The following TSTD2 variants were observed in gnomAD, a reference collection of about 807,000 sequenced individuals.
TSTD2 encodes thiosulfate sulfurtransferase like domain containing 2.
TSTD2 carries 37 observed loss-of-function variants against 47.9 expected under a neutral mutation model. The observed-to-expected ratio is 0.77, with a 90% CI of 0.59 to 1.02. The LOEUF is 1.02. Ranked by LOEUF, TSTD2 falls within the 50% of genes least tolerant of loss-of-function variation. TSTD2 has a pLI of 0.00. For synonymous variants in TSTD2, 201 were observed against 215.9 expected, an observed-to-expected ratio of 0.93 and a Z score of 0.61; for missense variants, 586 against 616.0, an observed-to-expected ratio of 0.95 and a Z score of 0.52.
chr9:97,602,870 C>A, intron 9 of TSTD2, 103 bp from the exon 10 acceptor site: 12 of 1,239,922 alleles, frequency 9.7e-6, no homozygotes, highest in Non-Finnish European at 1.3e-5. Context: ...TCCTGTGGAA[C>A]CCGGGGAAGG....
At chr9:97,627,024 A>G (rs1421030229) in intron 2 of TSTD2, among the ~76,000 whole-genome samples, 1 of 151,588 alleles carries the variant, frequency 6.6e-6, no homozygotes, top group Non-Finnish European at 1.5e-5. Context: ...TCTGTTGCCT[A>G]TTTTTCCATT....
At chr9:97,624,931 T>C (rs573440243) in intron 3 of TSTD2, among the ~76,000 whole-genome samples, 229 of 149,080 alleles carry the variant, frequency 1.5e-3, no homozygotes, top group Non-Finnish European at 2.7e-3. Flanking sequence ...AAACCCCCCC[T>C]TTTTTTTGCT....
chr9:97,618,333 C>T (rs1267577218), intron 3 of TSTD2, among the ~76,000 whole-genome samples: 1 of 152,148 alleles, frequency 6.6e-6, no homozygotes, highest in Admixed American at 6.5e-5. Context: ...AGGCCAATTC[C>T]TCCCAAGTCA....
intron 4 of TSTD2, among the ~76,000 whole-genome samples, chr9:97,612,191 C>T (rs1459842861): frequency 2.0e-5 from 3 of 152,200 alleles, no homozygotes; most frequent in African/African-American, 7.2e-5. Context: ...AAGACATGAT[C>T]TTGTTCTTTT....
chr9:97,607,677 C>T (rs564142080), intron 6 of TSTD2, among the ~76,000 whole-genome samples: 11 of 152,098 alleles, frequency 7.2e-5, no homozygotes, highest in Admixed American at 2.6e-4. Context: ...CTGAGGCAGG[C>T]GGATCACCTG....
rs186085308 is a variant in TSTD2 at position 97,608,570 on chromosome 9, A to T, written c.835+1776T>A. 1.4e-4 allele frequency among the ~76,000 whole-genome samples: 21 copies of T among 152,272 alleles called. No homozygotes were observed. In the East Asian group the frequency reaches 4.0e-3, roughly 29 times the overall value. On this transcript the variant is annotated intron_variant, in intron 6 of 9. Transcript: ENST00000341170. Reference sequence around the variant, plus strand: ...AGAATCGCTTGAACCCCGGGGGAAAAGGTTACAGTGAGCTGAAATCACGCC... The same window carrying T: ...AGAATCGCTTGAACCCCGGGGGAAATGGTTACAGTGAGCTGAAATCACGCC...
chr9:97,612,625 G>A (rs144738985), intron 4 of TSTD2, among the ~76,000 whole-genome samples: 1 of 152,288 alleles, frequency 6.6e-6, no homozygotes, highest in African/African-American at 2.4e-5. Flanking sequence ...GCACAATCTC[G>A]GCTCACTGCA....
intron 5 of TSTD2, chr9:97,610,827 A>G (rs1826445023): frequency 6.5e-6 from 1 of 154,866 alleles, no homozygotes; most frequent in Admixed American, 6.5e-5. Flanking sequence ...GTATAAAGTC[A>G]CTCAAACAAA....
chr9:97,601,032 C>T lies in TSTD2; in HGVS notation c.*1437G>A. On this transcript the variant is annotated 3_prime_UTR_variant, in exon 10 of 10. Coordinates refer to ENST00000341170, the MANE Select transcript of TSTD2 (RefSeq NM_139246.5). ...AGGCTGGTGATGAAAAGGTGAAGGC[C>T]TGCGCACTGAACTGTAAGGCAGTGG... 1 of 1,301,654 alleles carries T rather than the reference C, an allele frequency of 7.7e-7. No individual in the cohort carries two copies. The highest frequency in any genetic ancestry group is 1.2e-5 in the South Asian group (1 of 80,610). The allele number at this position is 1,301,654 out of a possible 1,614,324, so 80.6% of individuals were successfully genotyped here.
chr9:97,602,551 C>G lies in TSTD2; in HGVS notation c.1469G>C (p.Arg490Thr). The change falls in exon 10 of 10, where the codon AGG (arginine) becomes ACG (threonine). Residue 490 changes from arginine to threonine, a missense_variant. Transcript: ENST00000341170. ...ECTARRPRIP[R>T]ELLQHVRQPV... ...CTGTCGCACATGCTGCAAGAGTTCC[C>G]TAGGTATGCGTGGCCGTCGGGCTGT... is the stretch of plus-strand genomic sequence containing the variant. 1 of 1,614,220 alleles carries G rather than the reference C, an allele frequency of 6.2e-7. No homozygotes were observed. The highest frequency in any genetic ancestry group is 8.5e-7 in the Non-Finnish European group (1 of 1,180,032).
intron 1 of TSTD2, among the ~76,000 whole-genome samples, chr9:97,630,203 C>T (rs118175866): frequency 0.016 from 2,365 of 152,272 alleles, 53 homozygotes; most frequent in Non-Finnish European, 0.019. Flanking sequence ...ATGCCCAGTT[C>T]CACAAATGAG....
At chr9:97,626,317 T>C (rs1032447345) in intron 2 of TSTD2, among the ~76,000 whole-genome samples, 3 of 152,178 alleles carry the variant, frequency 2.0e-5, no homozygotes, top group African/African-American at 7.2e-5. Flanking sequence ...ATAACACTAT[T>C]AGTTATTTTC....
intron 1 of TSTD2, among the ~76,000 whole-genome samples, 152 bp downstream of exon 1, chr9:97,633,091 G>T (rs1442831472): frequency 6.6e-6 from 1 of 152,246 alleles, no homozygotes; most frequent in Non-Finnish European, 1.5e-5. Flanking sequence ...CCGCACGCTC[G>T]CGTCAGGGCC....
At position 97,627,563 on chromosome 9, in the gene TSTD2, C is replaced by T; in HGVS notation, c.-1G>A. ...GGTCTGGTGAAGTGGAAGAAGGCAT[C>T]TGGTTTGGTTGCAACAGTGAAGCAG... is the stretch of plus-strand genomic sequence containing the variant. On this transcript the variant is annotated 5_prime_UTR_variant, in exon 2 of 10. Coordinates refer to ENST00000341170, the MANE Select transcript of TSTD2 (RefSeq NM_139246.5). 6.2e-7 allele frequency: 1 copy of T among 1,602,640 alleles called. No homozygotes were observed. The highest frequency in any genetic ancestry group is 8.5e-7 in the Non-Finnish European group (1 of 1,172,756).
rs916982034 is a variant in TSTD2 at position 97,600,779 on chromosome 9, A to G, written c.*1690T>C. 9 of 1,014,760 alleles carry G rather than the reference A, an allele frequency of 8.9e-6. No individual in the cohort carries two copies. Among genetic ancestry groups the G allele is most frequent in the East Asian group, 2.1e-4 (2 of 9,502 alleles). 62.9% of individuals were successfully genotyped at this position (1,014,760 alleles called of 1,614,324 possible). On this transcript the variant is annotated 3_prime_UTR_variant, in exon 10 of 10. Coordinates refer to ENST00000341170, the MANE Select transcript of TSTD2 (RefSeq NM_139246.5). Reference sequence around the variant, plus strand: ...GGCCAAACCACCCCAAGATGATTACACTGAAATGTAGTATTAGTACTGCTG... The same window carrying G: ...GGCCAAACCACCCCAAGATGATTACGCTGAAATGTAGTATTAGTACTGCTG...
At chr9:97,627,675 G>T in intron 1 of TSTD2, 63 bp from the exon 2 acceptor site, 1 of 1,137,084 alleles carries the variant, frequency 8.8e-7, no homozygotes, top group Non-Finnish European at 1.2e-6. Flanking sequence ...AAAATATGAA[G>T]CTAATCAATC....
At position 97,602,459 on chromosome 9, in the gene TSTD2, A is replaced by G. The variant is rs1257801324; in HGVS notation, c.*10T>C. The G allele has an allele frequency of 6.3e-7, 1 of 1,577,550 alleles. No homozygotes were observed. Among genetic ancestry groups the G allele is most frequent in the Non-Finnish European group, 8.6e-7 (1 of 1,158,482 alleles). ...TTACCGAGGGCCTGGGAAAATGCCA[A>G]AGGTGCTGCTCACATAAGCACTGGC... On this transcript the variant is annotated 3_prime_UTR_variant, in exon 10 of 10. Coordinates refer to ENST00000341170, the MANE Select transcript of TSTD2 (RefSeq NM_139246.5).
In TSTD2 at chr9:97,633,271, C is replaced by T. The variant is rs1587988462; in HGVS notation, c.-79G>A. ...CCAGTCCTGATCCTTTCTAAGGTCT[C>T]TCTTCCCTGCACTGTCTCCGCCTAG... is the stretch of plus-strand genomic sequence containing the variant. On this transcript the variant is annotated 5_prime_UTR_variant, in exon 1 of 10. Coordinates refer to ENST00000341170, the MANE Select transcript of TSTD2 (RefSeq NM_139246.5). The T allele has an allele frequency of 4.4e-6, 1 of 228,226 alleles. No individual in the cohort carries two copies. Among genetic ancestry groups the T allele is most frequent in the Non-Finnish European group, 8.5e-6 (1 of 118,060 alleles). The allele number at this position is 228,226 out of a possible 1,614,324, so 14.1% of individuals were successfully genotyped here.
chr9:97,600,096 T>C lies in TSTD2; in HGVS notation c.*2373A>G. On this transcript the variant is annotated 3_prime_UTR_variant, in exon 10 of 10. Transcript: ENST00000341170. ...TCTTCCACATGCTTTTGAAGTATTA[T>C]AAAACACTTTATTACAAATTTGTCT... The C allele has an allele frequency of 3.0e-6, 3 of 1,013,162 alleles. No individual in the cohort carries two copies. Among genetic ancestry groups the C allele is most frequent in the Non-Finnish European group, 2.4e-6 (2 of 844,694 alleles). The allele number at this position is 1,013,162 out of a possible 1,614,324, so 62.8% of individuals were successfully genotyped here.
Sources: gnomAD v4.1 joint callset for allele counts (sites outside exome capture counted in the v4.1 genomes callset) on GRCh38, gnomAD v4.1.1 for gene constraint, MANE v1.5 for transcripts, NCBI Gene and HGNC (gene_info 2026-07-23, HGNC 2026-07-21) for gene names.